The following GPLD1 variants were observed in gnomAD, a reference collection of about 807,000 sequenced individuals.
GPLD1 encodes phosphatidylinositol-glycan-specific phospholipase D.
In GPLD1, 84 loss-of-function variants were observed where a neutral mutation model predicts 112.6. That is an observed-to-expected ratio of 0.75 (90% CI 0.63 to 0.89). The LOEUF (loss-of-function observed/expected upper bound fraction) is 0.89. Ranked by LOEUF, GPLD1 falls within the 40% of genes least tolerant of loss-of-function variation. The probability of loss-of-function intolerance (pLI) is 0.00; values close to 1 mark genes in which losing one functional copy is unlikely to be tolerated. For synonymous variants in GPLD1, 386 were observed against 403.8 expected, an observed-to-expected ratio of 0.96 and a Z score of 0.53; for missense variants, 1,044 against 1,051.5, an observed-to-expected ratio of 0.99 and a Z score of 0.10.
chr6:24,452,892 G>A (rs1763137222), intron 14 of GPLD1, among the ~76,000 whole-genome samples: 1 of 152,108 alleles, frequency 6.6e-6, no homozygotes, highest in African/African-American at 2.4e-5. Flanking sequence ...CGATCTGACT[G>A]GAAGTCTAGG....
intron 11 of GPLD1, among the ~76,000 whole-genome samples, chr6:24,461,809 A>ATC (rs1031023107): frequency 5.9e-5 from 9 of 152,206 alleles, no homozygotes; most frequent in African/African-American, 2.2e-4. Flanking sequence ...TCACAATGAT[A>ATC]TCTCTAGTGC....
chr6:24,433,163 ATGAAGTTCAGT>A lies in GPLD1; in HGVS notation c.2436+13_2436+23del, dbSNP rs1561826221. On this transcript the variant is annotated intron_variant, in intron 24 of 24. Transcript: ENST00000230036. Reference sequence around the variant, plus strand: ...ACCCGTAGTACTAACATAAACATCAATGAAGTTCAGTCCTTGGGCTCACCTTTGCCTTGGAC... The same window carrying A: ...ACCCGTAGTACTAACATAAACATCAACCTTGGGCTCACCTTTGCCTTGGAC... The A allele has an allele frequency of 6.5e-7, 1 of 1,543,556 alleles. No individual in the cohort carries two copies. The highest frequency in any genetic ancestry group is 1.1e-5 in the South Asian group (1 of 89,730).
rs1204636210 is a variant in GPLD1, at chr6:24,486,141, T to G, written c.98-11A>C. ...CCAGAGCTCTGTGTCCTGAGAGAAA[T>G]AAATACATAAATCAATTAAGTTCAA... On this transcript the variant is annotated splice_polypyrimidine_tract_variant and intron_variant, in intron 1 of 24. Transcript: ENST00000230036. The G allele has an allele frequency of 1.3e-6, 2 of 1,494,852 alleles. No homozygotes were observed. Among genetic ancestry groups the G allele is most frequent in the Admixed American group, 3.5e-5 (2 of 57,730 alleles). 92.6% of individuals were successfully genotyped at this position (1,494,852 alleles called of 1,614,324 possible).
At position 24,426,774 on chromosome 6, in the gene GPLD1, T is replaced by C. The variant is rs1762251890; in HGVS notation, c.*2258A>G. On this transcript the variant is annotated 3_prime_UTR_variant, in exon 25 of 25. Coordinates refer to ENST00000230036, the MANE Select transcript of GPLD1 (RefSeq NM_001503.4). ...TCTGGTCCCCTAAAAATAACCATCC[T>C]TTTAATTAAAAGTAATTCTTCAGAT... is the stretch of plus-strand genomic sequence containing the variant. Among the ~76,000 whole-genome samples the C allele has an allele frequency of 6.6e-6, 1 of 152,240 alleles. No homozygotes were observed. Among genetic ancestry groups the C allele is most frequent in the African/African-American group, 2.4e-5 (1 of 41,468 alleles).
intron 6 of GPLD1, 125 bp from the exon 7 acceptor site, chr6:24,472,761 G>C: frequency 1.6e-6 from 1 of 614,242 alleles, no homozygotes; most frequent in East Asian, 2.9e-5. Context: ...TTTGTTCATT[G>C]TTTTAGGTAA....
At chr6:24,492,439 G>C (rs1012316875), upstream of GPLD1, among the ~76,000 whole-genome samples, 3 of 148,908 alleles carry the variant, frequency 2.0e-5, no homozygotes. Context: ...CCAGGAGGCA[G>C]ACGTTGCAAT....
chr6:24,447,804 AC>A lies in GPLD1; in HGVS notation c.1678+72del. The A allele has an allele frequency of 2.9e-6, 4 of 1,356,430 alleles. No individual in the cohort carries two copies. The South Asian group carries it at 5.0e-5, about 17-fold the overall frequency. 84.0% of individuals were successfully genotyped at this position (1,356,430 alleles called of 1,614,324 possible). A position where few individuals can be genotyped will look rare whatever the true frequency, so the allele number is the denominator to read the frequency against. ...TATGGAATAAGGAAAAAGGATATAAACCCCTATGCAGGATAAGTTGTCGTAG... is the reference window on the plus strand; with the variant it reads ...TATGGAATAAGGAAAAAGGATATAAACCCTATGCAGGATAAGTTGTCGTAG... On this transcript the variant is annotated intron_variant, in intron 17 of 24. Transcript: ENST00000230036.
intron 2 of GPLD1, among the ~76,000 whole-genome samples, chr6:24,480,777 C>G (rs1561857148): frequency 6.6e-6 from 1 of 152,198 alleles, no homozygotes; most frequent in Non-Finnish European, 1.5e-5. Flanking sequence ...TATGGGATGT[C>G]TAGCTGCATG....
chr6:24,487,654 T>A (rs1561861216), intron 1 of GPLD1, among the ~76,000 whole-genome samples: 1 of 152,206 alleles, frequency 6.6e-6, no homozygotes, highest in African/African-American at 2.4e-5. Context: ...TAGAATTCTT[T>A]AAGAAGTTCA....
At position 24,466,828 on chromosome 6, in the gene GPLD1, G is replaced by C; in HGVS notation, c.682-9C>G. The C allele has an allele frequency of 6.3e-7, 1 of 1,592,532 alleles. No homozygotes were observed. Among genetic ancestry groups the C allele is most frequent in the Non-Finnish European group, 8.6e-7 (1 of 1,166,246 alleles). On this transcript the variant is annotated splice_polypyrimidine_tract_variant and intron_variant, in intron 9 of 24. Coordinates refer to ENST00000230036, the MANE Select transcript of GPLD1 (RefSeq NM_001503.4). Reference sequence around the variant, plus strand: ...GAGTAAGTGGGATATAACTATGGCAGAGAGAAAGAAAAAATAAAATGAATA... The same window carrying C: ...GAGTAAGTGGGATATAACTATGGCACAGAGAAAGAAAAAATAAAATGAATA...
At chr6:24,438,316 G>A (rs890564858) in intron 20 of GPLD1, among the ~76,000 whole-genome samples, 17 of 152,118 alleles carry the variant, frequency 1.1e-4, no homozygotes, top group East Asian at 5.8e-4. Context: ...TTGGAATTTC[G>A]CTGTAAACTT....
intron 20 of GPLD1, among the ~76,000 whole-genome samples, chr6:24,444,509 TA>T (rs1762847102): frequency 1.3e-5 from 2 of 151,936 alleles, no homozygotes; most frequent in Admixed American, 1.3e-4. Flanking sequence ...TTTTTTTTTT[TA>T]AAGACTATCT....
At chr6:24,433,449 T>A in intron 22 of GPLD1, 60 bp from the exon 23 acceptor site, 1 of 1,158,698 alleles carries the variant, frequency 8.6e-7, no homozygotes, top group Non-Finnish European at 1.3e-6. Flanking sequence ...CTTTTTAAAA[T>A]CAATTTTAAT....
In GPLD1 at chr6:24,476,174, C is replaced by A; in HGVS notation, c.330+7G>T. 6.8e-7 allele frequency: 1 copy of A among 1,468,202 alleles called. No individual in the cohort carries two copies. The allele number at this position is 1,468,202 out of a possible 1,614,324, so 90.9% of individuals were successfully genotyped here. ...AAATATTTTAAGGATTGGAGGACCA[C>A]GCCTACCTTCTCCCAGGGAAGGGGA... On this transcript the variant is annotated splice_region_variant and intron_variant, in intron 4 of 24. Transcript: ENST00000230036.
chr6:24,465,060 A>G (rs760349704), intron 10 of GPLD1, among the ~76,000 whole-genome samples: 34 of 151,828 alleles, frequency 2.2e-4, no homozygotes, highest in Non-Finnish European at 4.0e-4. Flanking sequence ...AGCCAGGTGT[A>G]GTGGTGAGTA....
chr6:24,462,707 G>A (rs758298369), intron 11 of GPLD1, 23 bp downstream of exon 11: 2 of 1,545,480 alleles, frequency 1.3e-6, no homozygotes, highest in Middle Eastern at 1.7e-4. Flanking sequence ...CTTTTTCTAT[G>A]AACAATTTTG....
chr6:24,467,903 C>T (rs199539514), intron 7 of GPLD1, among the ~76,000 whole-genome samples: 1 of 151,508 alleles, frequency 6.6e-6, no homozygotes, highest in Non-Finnish European at 1.5e-5. Flanking sequence ...TTTTTGTTTT[C>T]TGTTTTTTGT....
intron 2 of GPLD1, among the ~76,000 whole-genome samples, chr6:24,481,204 C>T (rs1373578383): frequency 6.6e-6 from 1 of 152,162 alleles, no homozygotes; most frequent in Non-Finnish European, 1.5e-5. Context: ...CCTGCAGTTC[C>T]CACAGTTTGT....
chr6:24,485,588 A>T (rs1380888724), intron 2 of GPLD1, among the ~76,000 whole-genome samples: 2 of 152,182 alleles, frequency 1.3e-5, no homozygotes, highest in African/African-American at 2.4e-5. Flanking sequence ...GAAGAGACAT[A>T]TACCTTTTAA....
Sources: gnomAD v4.1 joint callset for allele counts (sites outside exome capture counted in the v4.1 genomes callset) on GRCh38, gnomAD v4.1.1 for gene constraint, MANE v1.5 for transcripts, NCBI Gene and HGNC (gene_info 2026-07-23, HGNC 2026-07-21) for gene names.